Variants in TTC3 observed in about 807,000 individuals in gnomAD.
TTC3 encodes the protein tetratricopeptide repeat domain 3.
TTC3 carries 180 observed loss-of-function variants against 249.6 expected under a neutral mutation model. The ratio of observed to expected loss-of-function variants is 0.72; its 90% confidence interval spans 0.64 to 0.82. The LOEUF (loss-of-function observed/expected upper bound fraction) is 0.82. TTC3 is among the 40% of genes least tolerant of loss of function. The probability of loss-of-function intolerance (pLI) is 0.00; values close to 1 mark genes in which losing one functional copy is unlikely to be tolerated. For missense variants in TTC3, 2,061 were observed against 2,398.4 expected, an observed-to-expected ratio of 0.86 and a Z score of 2.94; for synonymous variants, 717 against 805.0, an observed-to-expected ratio of 0.89 and a Z score of 1.85.
chr21:37,158,993 T>C (rs2080404525), intron 28 of TTC3, among the ~76,000 whole-genome samples: 1 of 152,174 alleles, frequency 6.6e-6, no homozygotes, highest in Non-Finnish European at 1.5e-5. Context: ...GTGACTCTTC[T>C]AGAACATCTG....
At chr21:37,153,410 T>A in intron 27 of TTC3, 133 bp downstream of exon 27, 1 of 920,232 alleles carries the variant, frequency 1.1e-6, no homozygotes, top group African/African-American at 1.7e-5. Context: ...TGGTTAAGAA[T>A]ACTTTTCCAG....
intron 10 of TTC3, among the ~76,000 whole-genome samples, chr21:37,106,033 T>C (rs2075046946): frequency 6.6e-6 from 1 of 152,220 alleles, no homozygotes; most frequent in South Asian, 2.1e-4. Context: ...TTTGTACTCT[T>C]ACAGCAGCAT....
intron 20 of TTC3, among the ~76,000 whole-genome samples, chr21:37,142,694 C>T (rs1601742991): frequency 6.6e-6 from 1 of 152,156 alleles, no homozygotes; most frequent in Admixed American, 6.5e-5. Context: ...AGATTCAATG[C>T]CATCCCCATC....
At chr21:37,168,136 G>A (rs2081410192) in intron 34 of TTC3, among the ~76,000 whole-genome samples, 1 of 152,152 alleles carries the variant, frequency 6.6e-6, no homozygotes, top group Admixed American at 6.5e-5. Context: ...AAAGGTATTG[G>A]ATAAAATTCA....
chr21:37,114,370 C>T (rs1045811235), intron 11 of TTC3, among the ~76,000 whole-genome samples: 16 of 152,148 alleles, frequency 1.1e-4, no homozygotes, highest in Admixed American at 3.9e-4. Context: ...AAAAAGTGGG[C>T]GAAGGATATG....
chr21:37,085,009 A>AAACC (rs1020291578), intron 1 of TTC3, among the ~76,000 whole-genome samples: 3 of 152,044 alleles, frequency 2.0e-5, no homozygotes, highest in African/African-American at 7.2e-5. Flanking sequence ...ACAAACAAAC[A>AAACC]AACCAAAACA....
Position 37,188,479 on chromosome 21 carries a change from T to C in TTC3, c.4924-16T>C. ...TCATTTGTAAAATACTCATATGTCT[T>C]CTGATCTACTGGCAGGTATCCGTAC... On this transcript the variant is annotated splice_polypyrimidine_tract_variant and intron_variant, in intron 38 of 45. Transcript: ENST00000355666. 1 of 1,602,924 alleles carries C rather than the reference T, an allele frequency of 6.2e-7. No individual in the cohort carries two copies. The highest frequency in any genetic ancestry group is 8.5e-7 in the Non-Finnish European group (1 of 1,170,810).
At chr21:37,166,586 A>C (rs2081275523) in exon 33 of TTC3, 1 of 1,613,276 alleles carries the variant, frequency 6.2e-7, no homozygotes, top group Admixed American at 1.7e-5. Flanking sequence ...AGTAACAAAC[A>C]TTCCACACGT....
At chr21:37,137,743 A>G (rs1178613483) in intron 18 of TTC3, among the ~76,000 whole-genome samples, 1 of 152,230 alleles carries the variant, frequency 6.6e-6, no homozygotes, top group Non-Finnish European at 1.5e-5. Flanking sequence ...ACAGCATCAC[A>G]CATTACAGAG....
At chr21:37,154,789 G>A (rs1178151105) in intron 27 of TTC3, among the ~76,000 whole-genome samples, 3 of 152,180 alleles carry the variant, frequency 2.0e-5, no homozygotes, top group African/African-American at 4.8e-5. Context: ...TCCGCCTCCC[G>A]GGTTCACGCC....
At chr21:37,086,289 T>C (rs1364833324) in intron 1 of TTC3, 1 of 152,142 alleles carries the variant, frequency 6.6e-6, no homozygotes, top group Non-Finnish European at 1.5e-5. Flanking sequence ...TAGGTACAAG[T>C]AATAGTGTTT....
intron 11 of TTC3, among the ~76,000 whole-genome samples, chr21:37,119,411 T>A (rs2076408823): frequency 6.6e-6 from 1 of 152,180 alleles, no homozygotes; most frequent in South Asian, 2.1e-4. Flanking sequence ...CCTGTTAACC[T>A]TTCAGGTTGT....
intron 28 of TTC3, chr21:37,158,300 A>G (rs1217383167): frequency 2.8e-6 from 2 of 723,432 alleles, no homozygotes; most frequent in African/African-American, 1.9e-5. Context: ...CCCTCTCAGC[A>G]TACACTCGTC....
intron 13 of TTC3, 44 bp from the exon 14 acceptor site, chr21:37,124,575 A>G: frequency 6.3e-7 from 1 of 1,594,050 alleles, no homozygotes; most frequent in Non-Finnish European, 8.5e-7. Context: ...TTCAAAGGAT[A>G]ACTTTCAAAA....
chr21:37,197,209 C>T (rs1016721605), intron 42 of TTC3, among the ~76,000 whole-genome samples: 11 of 152,012 alleles, frequency 7.2e-5, no homozygotes, highest in African/African-American at 2.4e-4. Context: ...CACGCCAGGC[C>T]GAGGCAGGTG....
intron 20 of TTC3, among the ~76,000 whole-genome samples, chr21:37,141,254 A>G (rs1285472558): frequency 1.3e-5 from 2 of 152,242 alleles, no homozygotes; most frequent in Non-Finnish European, 2.9e-5. Context: ...AGCTTTAAAA[A>G]AAGAAAATCT....
chr21:37,108,328 T>C, intron 10 of TTC3, 64 bp from the exon 11 acceptor site: 1 of 1,362,000 alleles, frequency 7.3e-7, no homozygotes, highest in Middle Eastern at 2.3e-4. Flanking sequence ...AGTACACATA[T>C]GCAAGATATA....
At chr21:37,082,228 T>G (rs918937135) in intron 1 of TTC3, 9 of 152,334 alleles carry the variant, frequency 5.9e-5, no homozygotes, top group African/African-American at 2.2e-4. Context: ...TTCTTCATGT[T>G]CTCATGTTAT....
rs146841931 is a variant in TTC3, at chr21:37,079,994, G to T, written c.-12+6630G>T. 2.4e-3 allele frequency among the ~76,000 whole-genome samples: 361 copies of T among 151,786 alleles called. 7 individuals are homozygous for T. In the East Asian group the frequency reaches 0.041, roughly 17 times the overall value. ...AAAGGATTAACTTTTGGCCTAATTTGTTCTATTATTTGTTTTTTATTTCAT... is the reference window on the plus strand; with the variant it reads ...AAAGGATTAACTTTTGGCCTAATTTTTTCTATTATTTGTTTTTTATTTCAT... On this transcript the variant is annotated intron_variant, in intron 1 of 45. Coordinates refer to ENST00000355666, the Ensembl canonical transcript of TTC3.
Sources: allele counts gnomAD v4.1 joint callset (sites outside exome capture counted in the v4.1 genomes callset), GRCh38; gene constraint gnomAD v4.1.1; transcripts MANE v1.5; gene names NCBI Gene and HGNC (gene_info 2026-07-23, HGNC 2026-07-21).